Variants in RADIL observed in about 807,000 individuals in gnomAD.
RADIL encodes the protein Rap associating with DIL domain, also known as ras-associating and dilute domain-containing protein.
A neutral mutation model predicts 97.6 loss-of-function variants in RADIL; 99 were observed. The observed-to-expected ratio is 1.01, with a 90% CI of 0.86 to 1.20. RADIL has a LOEUF of 1.20. RADIL is among the 50% of genes most tolerant of loss of function. The probability of loss-of-function intolerance (pLI) is 0.00; values close to 1 mark genes in which losing one functional copy is unlikely to be tolerated. For synonymous variants in RADIL, 803 were observed against 691.8 expected (o/e 1.16, Z -2.52); for missense variants, 1,765 against 1,498.9 (o/e 1.18, Z -2.93).
chr7:4,815,974 G>A lies in RADIL; in HGVS notation c.1966+254C>T, dbSNP rs1048760207. Among the ~76,000 whole-genome samples the A allele has an allele frequency of 1.3e-5, 2 of 152,168 alleles. No individual in the cohort carries two copies. The highest frequency in any genetic ancestry group is 2.9e-5 in the Non-Finnish European group (2 of 68,024). On this transcript the variant is annotated intron_variant, in intron 8 of 14. Coordinates refer to ENST00000399583, the MANE Select transcript of RADIL (RefSeq NM_018059.5). The surrounding 1 kb of genome is among the most constrained non-coding windows in gnomAD (Gnocchi z 8.0). ...TGAGCCCGTTCCCTCCCTGTCACGG[G>A]GAAGGGGTCCCATGCAGACCTCTCG...
chr7:4,800,927 A>G (rs548993844), intron 12 of RADIL, among the ~76,000 whole-genome samples: 1 of 152,198 alleles, frequency 6.6e-6, no homozygotes, highest in Admixed American at 6.5e-5. Context: ...TCGCTCCTGC[A>G]AGGCACACCC....
At chr7:4,865,483 A>G in intron 2 of RADIL, 1 of 776,902 alleles carries the variant, frequency 1.3e-6, no homozygotes, top group Non-Finnish European at 2.4e-6. Flanking sequence ...AAGTAATGTA[A>G]TTCGTAACTC....
chr7:4,858,544 G>A (rs752453765), intron 2 of RADIL: 1 of 152,546 alleles, frequency 6.6e-6, no homozygotes, highest in Non-Finnish European at 1.5e-5. Context: ...GATGAATTTT[G>A]ATAAATCGTT....
intron 2 of RADIL, among the ~76,000 whole-genome samples, chr7:4,871,638 T>C (rs980488056): frequency 6.6e-6 from 1 of 152,066 alleles, no homozygotes; most frequent in Non-Finnish European, 1.5e-5. Context: ...TCAAGCCACA[T>C]CCACACTCCT....
chr7:4,811,488 T>C (rs1294609538), intron 9 of RADIL, among the ~76,000 whole-genome samples: 5 of 119,514 alleles, frequency 4.2e-5, no homozygotes, highest in Admixed American at 2.4e-4. Context: ...TCTTTTTTTT[T>C]TTTTTTTTTT....
Position 4,816,456 on chromosome 7 carries a change from T to G in RADIL, c.1738A>C (p.Ile580Leu), listed in dbSNP as rs531297364. Residue 580 changes from isoleucine (I) to leucine (L), a missense_variant, in exon 8 of 15, where the codon ATC becomes CTC. By Grantham distance (5) the Ile-to-Leu change is conservative (BLOSUM62 2). Coordinates refer to ENST00000399583, the MANE Select transcript of RADIL (RefSeq NM_018059.5). ...CACTCCAGGAGTGCCGGGAGGCAGA[T>G]GTACAGGGACTGGCGGGGGCAAGAG... ...CVYYVSKSLY[I>L]CLPALLECPP... is the part of the protein sequence containing the mutation. The G allele has an allele frequency of 1.2e-6, 2 of 1,607,006 alleles. No homozygotes were observed. Among genetic ancestry groups the G allele is most frequent in the African/African-American group, 1.3e-5 (1 of 74,914 alleles).
chr7:4,803,476 G>T (rs1434880224), intron 11 of RADIL, 70 bp downstream of exon 11: 51 of 1,346,798 alleles, frequency 3.8e-5, no homozygotes, highest in South Asian at 2.7e-4. Flanking sequence ...GGCACCTCGG[G>T]GCACGCTGGC....
Position 4,821,011 on chromosome 7 carries a change from T to A in RADIL, c.1615+1383A>T, listed in dbSNP as rs954714211. 1.1e-4 allele frequency among the ~76,000 whole-genome samples: 17 copies of A among 152,180 alleles called. No homozygotes were observed. Among genetic ancestry groups the A allele is most frequent in the South Asian group, 4.1e-4 (2 of 4,832 alleles). On this transcript the variant is annotated intron_variant, in intron 6 of 14. Transcript: ENST00000399583. The surrounding 1 kb of genome is among the most constrained non-coding windows in gnomAD (Gnocchi z 5.2). The stretch of plus-strand genomic sequence containing the variant: ...CTTGTGTCCTCCGGGCTGTCTCAGA[T>A]GCAGCCACAGCCACAGCCCCCTCCC...
chr7:4,848,601 A>G (rs1316736486), intron 2 of RADIL, among the ~76,000 whole-genome samples: 1 of 152,206 alleles, frequency 6.6e-6, no homozygotes, highest in Admixed American at 6.5e-5. Flanking sequence ...GACAGGAAGG[A>G]AAAACAATAT....
chr7:4,803,477 G>A (rs1173328643), intron 11 of RADIL, 69 bp downstream of exon 11: 2 of 1,350,016 alleles, frequency 1.5e-6, no homozygotes, highest in Non-Finnish European at 2.0e-6. Flanking sequence ...GCACCTCGGG[G>A]CACGCTGGCT....
At chr7:4,868,447 C>T (rs181823973) in intron 2 of RADIL, among the ~76,000 whole-genome samples, 6 of 152,272 alleles carry the variant, frequency 3.9e-5, no homozygotes, top group East Asian at 1.9e-4. Flanking sequence ...ACTTCTTTGC[C>T]TTGTACTAGA....
At chr7:4,843,003 A>AT (rs376252570) in intron 2 of RADIL, among the ~76,000 whole-genome samples, 6,037 of 127,318 alleles carry the variant, frequency 0.047, 408 homozygotes, top group African/African-American at 0.12. Flanking sequence ...GCAAGAGACA[A>AT]TTTTTTTTTT....
In RADIL at chr7:4,822,125, C is replaced by T. The variant is rs74580451; in HGVS notation, c.1615+269G>A. ...AAGAGTGGGGCTGCGGTCAAGGGGA[C>T]GCCACCGCACGGAGCACACGGGATG... On this transcript the variant is annotated intron_variant, in intron 6 of 14. Transcript: ENST00000399583. The surrounding 1 kb of genome is among the most constrained non-coding windows in gnomAD (Gnocchi z 5.3). 0.014 allele frequency among the ~76,000 whole-genome samples: 2,160 copies of T among 152,054 alleles called. 51 individuals carry two copies. Among genetic ancestry groups the T allele is most frequent in the African/African-American group, 0.049 (2,049 of 41,468 alleles).
At chr7:4,839,698 C>T (rs1226098020) in intron 2 of RADIL, among the ~76,000 whole-genome samples, 1 of 151,952 alleles carries the variant, frequency 6.6e-6, no homozygotes. Flanking sequence ...GGGAGGGGAA[C>T]CCAGGTGTCA....
At position 4,817,142 on chromosome 7, in the gene RADIL, C is replaced by A; in HGVS notation, c.1728+97G>T. 1 of 1,064,746 alleles carries A rather than the reference C, an allele frequency of 9.4e-7. No individual in the cohort carries two copies. Among genetic ancestry groups the A allele is most frequent in the South Asian group, 1.5e-5 (1 of 65,832 alleles). The allele number at this position is 1,064,746 out of a possible 1,614,324, so 66.0% of individuals were successfully genotyped here. A position where few individuals can be genotyped will look rare whatever the true frequency, so the allele number is the denominator to read the frequency against. On this transcript the variant is annotated intron_variant, in intron 7 of 14. Transcript: ENST00000399583. This position sits in a 1 kb window ranked among gnomAD's most constrained non-coding sequence, Gnocchi z 8.3. ...GCTTGTCACGGTCCCCTCCCTCAGC[C>A]CCCCAGAAGGCTCCTTAGGAGAGCC...
In RADIL at chr7:4,840,246, CCT is replaced by C. The variant is rs1335937341; in HGVS notation, c.536-3643_536-3642del. Among the ~76,000 whole-genome samples, 22 of 152,080 alleles carry C rather than the reference CCT, an allele frequency of 1.4e-4. No homozygotes were observed. The highest frequency in any genetic ancestry group is 2.8e-4 in the Non-Finnish European group (19 of 68,010). On this transcript the variant is annotated intron_variant, in intron 2 of 14. Coordinates refer to ENST00000399583, the MANE Select transcript of RADIL (RefSeq NM_018059.5). This position sits in a 1 kb window ranked among gnomAD's most constrained non-coding sequence, Gnocchi z 5.6. ...CCCATAGAGAGAGCTGCAATCGTGC[CCT>C]GTTTGTGCCTGACCTGATACAGCTT... is the stretch of plus-strand genomic sequence containing the variant.
rs1276962253 is a variant in RADIL at position 4,835,085 on chromosome 7, C to T, written c.938G>A (p.Gly313Glu). The T allele has an allele frequency of 6.2e-7, 1 of 1,607,716 alleles. No individual in the cohort carries two copies. The highest frequency in any genetic ancestry group is 8.5e-7 in the Non-Finnish European group (1 of 1,177,526). The part of the protein sequence containing the change: ...QPLPDSGQAA[G>E]RLVLEPIPGA... ...GGGGATGGGCTCCAGGACCAGCCTC[C>T]CCGCGGCCTGGCCGCTGTCCGGGAG... The change falls in exon 4 of 15, where the codon GGG (glycine) becomes GAG (glutamate). Residue 313 changes from glycine to glutamate, a missense_variant. Gly to Glu is a moderately conservative substitution (Grantham distance 98). Transcript: ENST00000399583. The surrounding 1 kb of genome is among the most constrained non-coding windows in gnomAD (Gnocchi z 5.8).
At position 4,799,494 on chromosome 7, in the gene RADIL, T is replaced by G. The variant is rs374932736; in HGVS notation, c.3123-11A>C. The G allele has an allele frequency of 5.0e-6, 8 of 1,613,636 alleles. No individual in the cohort carries two copies. In the African/African-American group the frequency reaches 5.3e-5, roughly 11 times the overall value. On this transcript the variant is annotated splice_polypyrimidine_tract_variant and intron_variant, in intron 14 of 14. Transcript: ENST00000399583. ...ATCAGGTCCACAGCTCTGAAATCCA[T>G]GCCAGAGGTGGGGGTGGGCAGGAGG...
Position 4,801,809 on chromosome 7 carries a change from G to A in RADIL, c.2686C>T (p.His896Tyr), listed in dbSNP as rs1782095130. ...SRGGSQAGPP[H>Y]TDSSCLLTPP... The stretch of plus-strand genomic sequence containing the variant: ...GTGAGCAAGCAGGACGAGTCCGTGT[G>A]CGGGGGGCCAGCCTGGGAGCCCCCA... The change falls in exon 12 of 15, where the codon CAC becomes TAC. Residue 896 changes from histidine (H) to tyrosine (Y), a missense_variant. His to Tyr is a moderately conservative substitution (Grantham distance 83, BLOSUM62 2). Coordinates refer to ENST00000399583, the MANE Select transcript of RADIL (RefSeq NM_018059.5). 1.2e-6 allele frequency: 2 copies of A among 1,608,866 alleles called. No individual in the cohort carries two copies. Among genetic ancestry groups the A allele is most frequent in the African/African-American group, 1.3e-5 (1 of 74,990 alleles).
Sources: gnomAD v4.1 joint callset for allele counts (sites outside exome capture counted in the v4.1 genomes callset) on GRCh38, gnomAD v4.1.1 for gene constraint, Gnocchi (gnomAD v3.1) non-coding constraint, MANE v1.5 for transcripts, NCBI Gene and HGNC (gene_info 2026-07-23, HGNC 2026-07-21) for gene names.